Variants in COL4A2 observed in about 807,000 individuals in gnomAD.
COL4A2 encodes the protein collagen type IV alpha 2 chain.
A neutral mutation model predicts 200.2 loss-of-function variants in COL4A2; 99 were observed. That is an observed-to-expected ratio of 0.49 (90% CI 0.42 to 0.58). The LOEUF (loss-of-function observed/expected upper bound fraction) is 0.58, where lower values mean the gene tolerates loss of function less well. COL4A2 is among the 20% of genes least tolerant of loss of function. The pLI, the probability that COL4A2 is intolerant of heterozygous loss-of-function variation, is 0.00. For missense variants in COL4A2, 1,950 were observed against 2,314.1 expected (o/e 0.84, Z 3.23); for synonymous variants, 897 against 900.6 (o/e 1.00, Z 0.07).
intron 4 of COL4A2, among the ~76,000 whole-genome samples, chr13:110,360,510 A>G (rs7358800): frequency 0.24 from 36,132 of 152,194 alleles, 5,422 homozygotes; most frequent in African/African-American, 0.42. Flanking sequence ...AGGATCCCCA[A>G]GACTCTGTGA....
At chr13:110,496,628 C>T (rs1883465614) in intron 40 of COL4A2, among the ~76,000 whole-genome samples, 1 of 146,736 alleles carries the variant, frequency 6.8e-6, no homozygotes, top group South Asian at 2.4e-4. Context: ...AGCACAGCCT[C>T]AGTCAAGGAT....
chr13:110,375,790 G>A lies in COL4A2; in HGVS notation c.180+18238G>A, dbSNP rs546822549. 1.5e-4 allele frequency among the ~76,000 whole-genome samples: 23 copies of A among 151,796 alleles called. No individual in the cohort carries two copies. In the South Asian group the frequency reaches 4.0e-3, roughly 26 times the overall value. ...GGCTGCAGTGAGCCAAGATCACGCC[G>A]CTGCACTCCAGCCTGGATGACAGAG... is the stretch of plus-strand genomic sequence containing the variant. On this transcript the variant is annotated intron_variant, in intron 4 of 47. Coordinates refer to ENST00000360467, the MANE Select transcript of COL4A2 (RefSeq NM_001846.4).
At chr13:110,417,551 A>G (rs1729563624) in intron 4 of COL4A2, among the ~76,000 whole-genome samples, 1 of 152,174 alleles carries the variant, frequency 6.6e-6, no homozygotes, top group Non-Finnish European at 1.5e-5. Context: ...CAGCGATAGA[A>G]CCACCAGAAT....
At chr13:110,441,848 A>C (rs1029959864) in intron 16 of COL4A2, among the ~76,000 whole-genome samples, 1 of 151,830 alleles carries the variant, frequency 6.6e-6, no homozygotes, top group Non-Finnish European at 1.5e-5. Flanking sequence ...TGGGAGGCCA[A>C]GGTGAGTGGA....
intron 3 of COL4A2, among the ~76,000 whole-genome samples, chr13:110,334,837 G>A (rs973953869): frequency 1.3e-5 from 2 of 152,216 alleles, no homozygotes; most frequent in African/African-American, 4.8e-5. Flanking sequence ...GAGTTATGTA[G>A]AAAGAAGTGC....
intron 13 of COL4A2, 69 bp from the exon 14 acceptor site, chr13:110,437,933 C>A: frequency 8.1e-7 from 1 of 1,239,442 alleles, no homozygotes; most frequent in Non-Finnish European, 1.2e-6. Flanking sequence ...TGTCATGAAC[C>A]CTGATTGATT....
In COL4A2 at chr13:110,441,816, G is replaced by A. The variant is rs535305957; in HGVS notation, c.957+1983G>A. ...TGTAGTATTTAAAAGTGCATTTCCA[G>A]GTGCCTGTAATCCCAGCAGTTTGGG... On this transcript the variant is annotated intron_variant, in intron 16 of 47. Coordinates refer to ENST00000360467, the MANE Select transcript of COL4A2 (RefSeq NM_001846.4). 2.6e-5 allele frequency among the ~76,000 whole-genome samples: 4 copies of A among 151,970 alleles called. No homozygotes were observed. In the East Asian group the frequency reaches 7.7e-4, roughly 29 times the overall value.
intron 4 of COL4A2, among the ~76,000 whole-genome samples, chr13:110,398,548 A>G (rs1879260432): frequency 6.6e-6 from 1 of 152,026 alleles, no homozygotes; most frequent in Non-Finnish European, 1.5e-5. Context: ...GTGGTTTTAG[A>G]TTTTAGTGGT....
At chr13:110,469,835 G>C (rs1048984653) in intron 28 of COL4A2, among the ~76,000 whole-genome samples, 1 of 150,988 alleles carries the variant, frequency 6.6e-6, no homozygotes, top group Non-Finnish European at 1.5e-5. Context: ...AGACATAGGT[G>C]TCTTGCAGTT....
At chr13:110,446,348 G>A (rs1881322243) in intron 17 of COL4A2, among the ~76,000 whole-genome samples, 1 of 152,152 alleles carries the variant, frequency 6.6e-6, no homozygotes, top group African/African-American at 2.4e-5. Context: ...CTTCTGAGCC[G>A]GGTGAGGCTC....
intron 3 of COL4A2, among the ~76,000 whole-genome samples, chr13:110,330,553 C>T (rs1396696020): frequency 1.3e-5 from 2 of 152,162 alleles, no homozygotes; most frequent in African/African-American, 4.8e-5. Context: ...CTCCTCAGGC[C>T]AGTATTTCTG....
intron 3 of COL4A2, among the ~76,000 whole-genome samples, chr13:110,332,476 T>C (rs1324693749): frequency 6.6e-6 from 1 of 152,194 alleles, no homozygotes; most frequent in Non-Finnish European, 1.5e-5. Flanking sequence ...AAGTTCGTTC[T>C]CCTGTCGCAA....
chr13:110,497,277 G>C (rs1883490135), intron 40 of COL4A2, among the ~76,000 whole-genome samples: 1 of 151,050 alleles, frequency 6.6e-6, no homozygotes, highest in South Asian at 2.1e-4. Context: ...ACTCAGGGGT[G>C]AGGATCTAGG....
In COL4A2 at chr13:110,482,574, A is replaced by T; in HGVS notation, c.2817A>T (p.Arg939Ser). 1 of 1,614,016 alleles carries T rather than the reference A, an allele frequency of 6.2e-7. No individual in the cohort carries two copies. The highest frequency in any genetic ancestry group is 8.5e-7 in the Non-Finnish European group (1 of 1,179,988). Reference sequence around the variant, plus strand: ...AAGGCATGCCTGGACTCAAAGGGAGACCCGGGTTTCCAGGGAGCAAAGGCG... The same window carrying T: ...AAGGCATGCCTGGACTCAAAGGGAGTCCCGGGTTTCCAGGGAGCAAAGGCG... ...GFQGMPGLKG[R>S]PGFPGSKGEA... Residue 939 changes from arginine (R) to serine (S), a missense_variant, in exon 32 of 48, where the codon AGA (arginine) becomes AGT (serine). Physicochemically the swap from Arg to Ser is moderately radical, Grantham distance 110. This residue lies in a region of COL4A2 where 1,385 missense variants were observed against 1,720.5 expected (regional missense o/e 0.80). Coordinates refer to ENST00000360467, the MANE Select transcript of COL4A2 (RefSeq NM_001846.4).
intron 3 of COL4A2, among the ~76,000 whole-genome samples, chr13:110,357,156 C>A (rs528391181): frequency 2.0e-4 from 30 of 152,148 alleles, no homozygotes; most frequent in African/African-American, 5.5e-4. Flanking sequence ...GATGGTGATG[C>A]GGGCAGACTC....
intron 3 of COL4A2, among the ~76,000 whole-genome samples, chr13:110,356,046 T>C (rs1473243357): frequency 6.6e-6 from 1 of 152,006 alleles, no homozygotes; most frequent in East Asian, 1.9e-4. Flanking sequence ...TCTCAAAACG[T>C]TTAATACTGT....
chr13:110,458,317 C>T (rs955752074), intron 21 of COL4A2: 6 of 363,986 alleles, frequency 1.6e-5, no homozygotes, highest in Non-Finnish European at 3.3e-5. Context: ...AGAGGTCAGG[C>T]ATGTCTTCCC....
chr13:110,503,049 G>T, intron 41 of COL4A2, 72 bp from the exon 42 acceptor site: 1 of 1,417,480 alleles, frequency 7.1e-7, no homozygotes, highest in South Asian at 1.2e-5. Flanking sequence ...AATGGGTGAC[G>T]GTGCACCTGA....
At chr13:110,352,229 T>C (rs532393814) in intron 3 of COL4A2, among the ~76,000 whole-genome samples, 1 of 152,284 alleles carries the variant, frequency 6.6e-6, no homozygotes, top group East Asian at 1.9e-4. Context: ...GAGGTTGGCC[T>C]TGGGAGGTAG....
Sources: gnomAD v4.1 joint callset for allele counts (sites outside exome capture counted in the v4.1 genomes callset) on GRCh38, gnomAD v4.1.1 for gene constraint, gnomAD v4.1.1 regional missense constraint, MANE v1.5 for transcripts, NCBI Gene and HGNC (gene_info 2026-07-23, HGNC 2026-07-21) for gene names.